The following TAF3 variants were observed in gnomAD, a reference collection of about 807,000 sequenced individuals.
The protein encoded by TAF3 is transcription initiation factor TFIID subunit 3.
Under a neutral mutation model 80.6 loss-of-function variants are expected in TAF3, and 7 were observed. That is an observed-to-expected ratio of 0.09 (90% confidence interval 0.05 to 0.16). The LOEUF is 0.16. TAF3 is among the 10% of genes least tolerant of loss of function. TAF3 has a pLI of 1.00. For synonymous variants in TAF3, 444 were observed against 446.1 expected (o/e 1.00, Z 0.06); for missense variants, 921 against 1,140.2 (o/e 0.81, Z 2.77).
At chr10:7,897,306 G>A (rs1378506466) in intron 2 of TAF3, among the ~76,000 whole-genome samples, 6 of 152,116 alleles carry the variant, frequency 3.9e-5, no homozygotes, top group Admixed American at 2.6e-4. Flanking sequence ...TCATTTGACT[G>A]AATAAAGAAC....
chr10:7,904,110 G>A (rs1466812648), intron 2 of TAF3, among the ~76,000 whole-genome samples: 10 of 152,150 alleles, frequency 6.6e-5, no homozygotes, highest in Non-Finnish European at 1.5e-4. Flanking sequence ...TAGAGAGGCC[G>A]TGAACTTCAC....
At chr10:7,886,373 T>C (rs1416494565) in intron 2 of TAF3, among the ~76,000 whole-genome samples, 1 of 152,256 alleles carries the variant, frequency 6.6e-6, no homozygotes, top group East Asian at 1.9e-4. Context: ...ATTTTCTTTC[T>C]TTCTCTCACC....
chr10:7,987,909 C>T (rs1405746536), intron 4 of TAF3, among the ~76,000 whole-genome samples: 2 of 152,134 alleles, frequency 1.3e-5, no homozygotes, highest in African/African-American at 4.8e-5. Context: ...TTGGTGCTGG[C>T]TCCGTCTCAG....
intron 2 of TAF3, among the ~76,000 whole-genome samples, chr10:7,843,275 C>CTT (rs35391531): frequency 3.5e-5 from 5 of 144,570 alleles, no homozygotes; most frequent in Admixed American, 7.0e-5. Context: ...GCCCAGCTAA[C>CTT]TTTTTTTTTT....
chr10:7,999,481 G>T (rs1334521434), intron 4 of TAF3, among the ~76,000 whole-genome samples: 1 of 147,514 alleles, frequency 6.8e-6, no homozygotes. Flanking sequence ...TTTTGAGATG[G>T]AGTCTCGCTT....
At chr10:7,898,884 G>A (rs1311218239) in intron 2 of TAF3, among the ~76,000 whole-genome samples, 2 of 151,974 alleles carry the variant, frequency 1.3e-5, no homozygotes, top group Non-Finnish European at 2.9e-5. Context: ...TCAGACTTGC[G>A]AGTGAGGCAC....
chr10:7,834,282 G>A (rs11255394), intron 2 of TAF3, among the ~76,000 whole-genome samples: 31,136 of 152,156 alleles, frequency 0.2, 3,710 homozygotes, highest in East Asian at 0.53. Flanking sequence ...GCCCAGACCA[G>A]TGTCTTACAG....
intron 4 of TAF3, among the ~76,000 whole-genome samples, chr10:7,992,635 A>G (rs1418866177): frequency 6.7e-6 from 1 of 148,932 alleles, no homozygotes; most frequent in East Asian, 1.9e-4. Flanking sequence ...GAGTGAAATA[A>G]TGAATGCACA....
intron 2 of TAF3, among the ~76,000 whole-genome samples, chr10:7,913,377 C>T (rs2131181278): frequency 6.6e-6 from 1 of 152,340 alleles, no homozygotes; most frequent in East Asian, 1.9e-4. Context: ...GCCACTCCAG[C>T]TCTCATTCGC....
At chr10:7,857,844 T>G (rs1289610196) in intron 2 of TAF3, among the ~76,000 whole-genome samples, 2 of 151,892 alleles carry the variant, frequency 1.3e-5, no homozygotes, top group East Asian at 3.9e-4. Flanking sequence ...CTTTCTAAAT[T>G]CATTGGGAAG....
At chr10:8,006,013 G>C (rs1372666954) in intron 4 of TAF3, among the ~76,000 whole-genome samples, 2 of 152,080 alleles carry the variant, frequency 1.3e-5, no homozygotes, top group African/African-American at 2.4e-5. Context: ...CAGAATAATA[G>C]CTTGCCTCAT....
intron 4 of TAF3, among the ~76,000 whole-genome samples, chr10:8,008,288 G>A (rs768046580): frequency 4.6e-5 from 7 of 151,776 alleles, no homozygotes; most frequent in Admixed American, 2.6e-4. Context: ...TAGTAGAGAC[G>A]GTGTTTCACC....
At chr10:7,851,671 T>C (rs1837027787) in intron 2 of TAF3, among the ~76,000 whole-genome samples, 1 of 152,228 alleles carries the variant, frequency 6.6e-6, no homozygotes, top group African/African-American at 2.4e-5. Flanking sequence ...TGAAAAGCCC[T>C]GATGACCTTA....
chr10:7,956,436 G>A (rs1455111308), intron 2 of TAF3, among the ~76,000 whole-genome samples: 2 of 152,062 alleles, frequency 1.3e-5, no homozygotes, highest in African/African-American at 4.8e-5. Context: ...GCAGTGAACC[G>A]GAATCATGCC....
intron 2 of TAF3, among the ~76,000 whole-genome samples, chr10:7,865,983 C>T (rs866823711): frequency 1.3e-5 from 2 of 152,336 alleles, no homozygotes; most frequent in African/African-American, 4.8e-5. Context: ...TGTTCGGCAC[C>T]TTGACTTTCG....
chr10:7,864,511 A>G (rs774774628), intron 2 of TAF3, among the ~76,000 whole-genome samples: 4 of 152,242 alleles, frequency 2.6e-5, no homozygotes, highest in Non-Finnish European at 2.9e-5. Flanking sequence ...TCACATTGCT[A>G]TACAACAGAT....
chr10:7,921,131 T>G (rs895166296), intron 2 of TAF3, among the ~76,000 whole-genome samples: 1 of 152,046 alleles, frequency 6.6e-6, no homozygotes, highest in Non-Finnish European at 1.5e-5. Flanking sequence ...TGCAATGCCA[T>G]ATTATATATT....
chr10:8,006,168 GA>G (rs750466540), intron 4 of TAF3, among the ~76,000 whole-genome samples: 1 of 127,696 alleles, frequency 7.8e-6, no homozygotes, highest in Non-Finnish European at 1.6e-5. Context: ...CGTCTCTACT[GA>G]AAAAAAAAAT....
chr10:7,958,777 A>C (rs1046399936), intron 2 of TAF3, among the ~76,000 whole-genome samples: 3 of 152,198 alleles, frequency 2.0e-5, no homozygotes, highest in Admixed American at 6.5e-5. Flanking sequence ...GGTAGGTATC[A>C]GATCATTTCT....
Sources: gnomAD v4.1 joint callset for allele counts (sites outside exome capture counted in the v4.1 genomes callset) on GRCh38, gnomAD v4.1.1 for gene constraint, MANE v1.5 for transcripts, NCBI Gene and HGNC (gene_info 2026-07-23, HGNC 2026-07-21) for gene names.